The following ZNF99 variants were observed in gnomAD, a reference collection of about 807,000 sequenced individuals.
ZNF99 encodes zinc finger protein ENSP00000375192.
Under a neutral mutation model 12.8 loss-of-function variants are expected in ZNF99, and 8 were observed. That is an observed-to-expected ratio of 0.62 (90% CI 0.37 to 1.13). ZNF99 has a LOEUF of 1.13. Among genes scored for constraint, ZNF99 ranks in the 50% most tolerant of loss-of-function variants. ZNF99 has a pLI of 0.02. For missense variants in ZNF99, 1,007 were observed against 1,006.2 expected (o/e 1.00, Z -0.01); for synonymous variants, 318 against 319.0 (o/e 1.00, Z 0.03).
In ZNF99 at chr19:22,762,023, T is replaced by C. The variant is rs527742139; in HGVS notation, c.227-2341A>G. Reference sequence around the variant, plus strand: ...AGGAAAGTTCATAGTCCTAAACACCTACATCAAAAAGTCTGAAAGAACACA... The same window carrying C: ...AGGAAAGTTCATAGTCCTAAACACCCACATCAAAAAGTCTGAAAGAACACA... On this transcript the variant is annotated intron_variant, in intron 3 of 3. Transcript: ENST00000596209. Among the ~76,000 whole-genome samples the C allele has an allele frequency of 2.0e-5, 3 of 151,884 alleles. No individual in the cohort carries two copies. The East Asian group carries it at 5.8e-4, about 29-fold the overall frequency.
chr19:22,776,267 C>T (rs1973324914), intron 1 of ZNF99, among the ~76,000 whole-genome samples: 2 of 149,912 alleles, frequency 1.3e-5, no homozygotes, highest in Non-Finnish European at 3.0e-5. Context: ...AGGAGAATCA[C>T]TTGAACCCAG....
Position 22,757,359 on chromosome 19 carries a change from C to G in ZNF99, c.2550G>C (p.Val850=). 6.2e-7 allele frequency: 1 copy of G among 1,610,290 alleles called. No individual in the cohort carries two copies. Among genetic ancestry groups the G allele is most frequent in the Non-Finnish European group, 8.5e-7 (1 of 1,178,900 alleles). ...GCTGAGAAATGTTTAAAAGCTTTGC[C>G]ACATTCTTCACATTTGCAGGGTTTC... ...MERNPANVKN[V]AKLLNISQPL... Residue 850 remains valine (V), a synonymous_variant, in exon 4 of 4, where the codon GTG becomes GTC. Coordinates refer to ENST00000596209, the MANE Select transcript of ZNF99 (RefSeq NM_001080409.3).
intron 3 of ZNF99, 51 bp downstream of exon 3, chr19:22,768,254 G>T: frequency 6.3e-7 from 1 of 1,583,458 alleles, no homozygotes; most frequent in East Asian, 2.2e-5. Flanking sequence ...GCTTTCTCCT[G>T]GACCTCTGGA....
In ZNF99 at chr19:22,757,297, T is replaced by C; in HGVS notation, c.*17A>G. 6.2e-7 allele frequency: 1 copy of C among 1,613,150 alleles called. No homozygotes were observed. Among genetic ancestry groups the C allele is most frequent in the Non-Finnish European group, 8.5e-7 (1 of 1,179,662 alleles). On this transcript the variant is annotated 3_prime_UTR_variant, in exon 4 of 4. Transcript: ENST00000596209. ...TGCCACATTCTTCACATTTGTAGGGTTTCTTTCCAGTATGAATTATCTCAT... is the reference window on the plus strand; with the variant it reads ...TGCCACATTCTTCACATTTGTAGGGCTTCTTTCCAGTATGAATTATCTCAT...
rs189061267 is a variant in ZNF99 at position 22,758,005 on chromosome 19, G to A, written c.1904C>T (p.Thr635Ile). 1.8e-4 allele frequency: 288 copies of A among 1,611,062 alleles called. 4 individuals carry two copies. In the Admixed American group the frequency reaches 4.8e-3, roughly 27 times the overall value. Reference sequence around the variant, plus strand: ...ATGAATTATCTCATGTTTTCTAAGGGTTGAGGACTGGCTAAAAGCTTTGCC... The same window carrying A: ...ATGAATTATCTCATGTTTTCTAAGGATTGAGGACTGGCTAAAAGCTTTGCC... The part of the protein sequence containing the change: ...ECGKAFSQSS[T>I]LRKHEIIHTG... Residue 635 changes from threonine to isoleucine, a missense_variant, in exon 4 of 4, where the codon ACC (threonine) becomes ATC (isoleucine). Thr to Ile is a moderately conservative substitution (Grantham distance 89, BLOSUM62 -1). Coordinates refer to ENST00000596209, the MANE Select transcript of ZNF99 (RefSeq NM_001080409.3).
chr19:22,776,946 G>A (rs1973336456), intron 1 of ZNF99, among the ~76,000 whole-genome samples: 1 of 152,078 alleles, frequency 6.6e-6, no homozygotes. Context: ...AGGAGTTCAA[G>A]ACCACCCTAA....
Position 22,754,321 on chromosome 19 carries a change from T to C in ZNF99, c.*2993A>G. On this transcript the variant is annotated 3_prime_UTR_variant, in exon 4 of 4. Coordinates refer to ENST00000596209, the MANE Select transcript of ZNF99 (RefSeq NM_001080409.3). Reference sequence around the variant, plus strand: ...GGCGGAGGTTGCAATGAACTGAGATTGCACCATTGCACTCCAATTTGGGCG... The same window carrying C: ...GGCGGAGGTTGCAATGAACTGAGATCGCACCATTGCACTCCAATTTGGGCG... 2.3e-6 allele frequency: 1 copy of C among 429,058 alleles called. No homozygotes were observed. The highest frequency in any genetic ancestry group is 1.6e-5 in the South Asian group (1 of 60,608). The allele number at this position is 429,058 out of a possible 1,614,324, so 26.6% of individuals were successfully genotyped here. A position where few individuals can be genotyped will look rare whatever the true frequency, so the allele number is the denominator to read the frequency against.
intron 1 of ZNF99, among the ~76,000 whole-genome samples, chr19:22,769,533 C>G (rs1425008569): frequency 2.0e-5 from 3 of 151,870 alleles, no homozygotes; most frequent in African/African-American, 7.3e-5. Context: ...TTTGGGAGGC[C>G]AAGGCAGGAA....
At position 22,756,361 on chromosome 19, in the gene ZNF99, T is replaced by C. The variant is rs563330825; in HGVS notation, c.*953A>G. The stretch of plus-strand genomic sequence containing the variant: ...AGGACTGGTTAAAGGCTTTGCCACA[T>C]TCTTCACATTTGTAGGGTTTCTCTC... On this transcript the variant is annotated 3_prime_UTR_variant, in exon 4 of 4. Transcript: ENST00000596209. The C allele has an allele frequency of 6.3e-7, 1 of 1,597,498 alleles. No homozygotes were observed. The highest frequency in any genetic ancestry group is 2.3e-5 in the East Asian group (1 of 44,306).
chr19:22,777,655 AGAT>A (rs1973344190), intron 1 of ZNF99, among the ~76,000 whole-genome samples: 1 of 152,214 alleles, frequency 6.6e-6, no homozygotes, highest in Non-Finnish European at 1.5e-5. Context: ...TCATGCTGGC[AGAT>A]GATATTATGA....
chr19:22,761,631 G>A (rs1399022134), intron 3 of ZNF99, among the ~76,000 whole-genome samples: 2 of 152,102 alleles, frequency 1.3e-5, no homozygotes, highest in Admixed American at 1.3e-4. Context: ...ATACCTTGGA[G>A]CAAATGCACT....
At position 22,768,326 on chromosome 19, in the gene ZNF99, C is replaced by T; in HGVS notation, c.205G>A (p.Glu69Lys). The T allele has an allele frequency of 6.2e-7, 1 of 1,613,866 alleles. No individual in the cohort carries two copies. The highest frequency in any genetic ancestry group is 1.1e-5 in the South Asian group (1 of 91,058). Residue 69 changes from glutamate to lysine, a missense_variant, in exon 3 of 4, where the codon GAG becomes AAG. Coordinates refer to ENST00000596209, the MANE Select transcript of ZNF99 (RefSeq NM_001080409.3). ...GKEPWNMKRHEMVTKPPVISS... is the reference protein window; with the variant it reads ...GKEPWNMKRHKMVTKPPVISS... ...ATACCTGGGGGTTTAGTTACCATCT[C>T]ATGTCTCTTCATATTCCAAGGCTCT...
chr19:22,756,799 T>C lies in ZNF99; in HGVS notation c.*515A>G, dbSNP rs1242831508. The C allele has an allele frequency of 4.3e-6, 7 of 1,612,234 alleles. No individual in the cohort carries two copies. Among genetic ancestry groups the C allele is most frequent in the African/African-American group, 1.3e-5 (1 of 74,594 alleles). ...ACATTCTTCACATTTGTAGGGTTTC[T>C]TTCCAGTATAATTATCTCATGTTTT... On this transcript the variant is annotated 3_prime_UTR_variant, in exon 4 of 4. Coordinates refer to ENST00000596209, the MANE Select transcript of ZNF99 (RefSeq NM_001080409.3).
At position 22,755,437 on chromosome 19, in the gene ZNF99, C is replaced by T; in HGVS notation, c.*1877G>A. On this transcript the variant is annotated 3_prime_UTR_variant, in exon 4 of 4. Transcript: ENST00000596209. ...GTTTGAGGACCAGTTAAAAGTTTTG[C>T]CACACTCTTCACATGAGGCGGGTTT... 3.4e-6 allele frequency: 1 copy of T among 292,232 alleles called. No homozygotes were observed. Among genetic ancestry groups the T allele is most frequent in the Non-Finnish European group, 7.0e-6 (1 of 141,936 alleles). The allele number at this position is 292,232 out of a possible 1,614,324, so 18.1% of individuals were successfully genotyped here.
chr19:22,757,489 T>G lies in ZNF99; in HGVS notation c.2420A>C (p.His807Pro). Reference protein sequence around the residue: ...AFNNSSTLRKHEIIHTGEKSY... With the variant: ...AFNNSSTLRKPEIIHTGEKSY... Reference sequence around the variant, plus strand: ...TTTCTCTCCAGTATGAATTATCTCATGTTTTCTAAGGGTTGAGGAATTGTT... The same window carrying G: ...TTTCTCTCCAGTATGAATTATCTCAGGTTTTCTAAGGGTTGAGGAATTGTT... The change falls in exon 4 of 4, where the codon CAT (histidine) becomes CCT (proline). Residue 807 changes from histidine (H) to proline (P), a missense_variant. Transcript: ENST00000596209. 1 of 1,611,242 alleles carries G rather than the reference T, an allele frequency of 6.2e-7. No individual in the cohort carries two copies. Among genetic ancestry groups the G allele is most frequent in the East Asian group, 2.2e-5 (1 of 44,814 alleles).
intron 1 of ZNF99, among the ~76,000 whole-genome samples, chr19:22,769,560 G>A (rs182330535): frequency 6.6e-6 from 1 of 152,084 alleles, no homozygotes; most frequent in Non-Finnish European, 1.5e-5. Flanking sequence ...GAAGTCAGGA[G>A]ATTGAGACCA....
rs747868290 is a variant in ZNF99 at position 22,756,499 on chromosome 19, G to C, written c.*815C>G. On this transcript the variant is annotated 3_prime_UTR_variant, in exon 4 of 4. Transcript: ENST00000596209. ...AATTATCCTATGTTTAGTAAGGCGT[G>C]AGAAATGGCTAAAAGCTTTGCCACG... 4 of 1,596,084 alleles carry C rather than the reference G, an allele frequency of 2.5e-6. No individual in the cohort carries two copies. The highest frequency in any genetic ancestry group is 3.4e-6 in the Non-Finnish European group (4 of 1,173,998).
At chr19:22,766,424 A>G (rs1262209880) in intron 3 of ZNF99, among the ~76,000 whole-genome samples, 6 of 149,728 alleles carry the variant, frequency 4.0e-5, no homozygotes, top group Admixed American at 1.3e-4. Flanking sequence ...ACCACAACCT[A>G]CGCCTCTGGG....
intron 3 of ZNF99, among the ~76,000 whole-genome samples, chr19:22,767,778 A>G (rs1973220969): frequency 6.6e-6 from 1 of 152,198 alleles, no homozygotes; most frequent in Non-Finnish European, 1.5e-5. Flanking sequence ...ACAGAGAAAT[A>G]TCTGAGAGTA....
Sources: gnomAD v4.1 joint callset for allele counts (sites outside exome capture counted in the v4.1 genomes callset) on GRCh38, gnomAD v4.1.1 for gene constraint, MANE v1.5 for transcripts, NCBI Gene and HGNC (gene_info 2026-07-23, HGNC 2026-07-21) for gene names.